TCF4: variants seen among roughly 807,000 people sequenced by gnomAD.
The protein encoded by TCF4 is SL3-3 enhancer factor 2.
TCF4 carries 3 observed loss-of-function variants against 82.1 expected under a neutral mutation model. That is an observed-to-expected ratio of 0.04 (90% confidence interval 0.02 to 0.09). TCF4 has a LOEUF of 0.09. Among genes scored for constraint, TCF4 ranks in the 10% least tolerant of loss-of-function variants. TCF4 has a pLI of 1.00. For synonymous variants in TCF4, 276 were observed against 309.6 expected (o/e 0.89, Z 1.14); for missense variants, 518 against 852.7 (o/e 0.61, Z 4.89).
chr18:55,398,647 T>C (rs1383778526), intron 6 of TCF4, among the ~76,000 whole-genome samples: 1 of 152,164 alleles, frequency 6.6e-6, no homozygotes, highest in Non-Finnish European at 1.5e-5. Context: ...CTGGTTTTCG[T>C]AGGCATGAAA....
chr18:55,425,178 A>G (rs2094927007), intron 5 of TCF4, among the ~76,000 whole-genome samples: 1 of 152,240 alleles, frequency 6.6e-6, no homozygotes, highest in Admixed American at 6.5e-5. Flanking sequence ...AAGTTGGGTG[A>G]GAAAGTGTCC....
chr18:55,520,019 TCC>T (rs985160259), intron 3 of TCF4, among the ~76,000 whole-genome samples: 24 of 152,006 alleles, frequency 1.6e-4, no homozygotes, highest in African/African-American at 5.8e-4. Context: ...CCTGAAGACC[TCC>T]CCACACCCAG....
chr18:55,581,131 A>G (rs2097571757), intron 3 of TCF4, among the ~76,000 whole-genome samples: 2 of 152,038 alleles, frequency 1.3e-5, no homozygotes, highest in African/African-American at 4.8e-5. Context: ...AGGCACATGC[A>G]TATACAGAAG....
chr18:55,469,618 C>T (rs758240841), intron 3 of TCF4: 7 of 152,092 alleles, frequency 4.6e-5, no homozygotes, highest in South Asian at 4.1e-4. Flanking sequence ...ACTTGTAATC[C>T]GATTACTCAA....
intron 3 of TCF4, among the ~76,000 whole-genome samples, chr18:55,491,673 C>A (rs902526446): frequency 6.6e-6 from 1 of 152,196 alleles, no homozygotes; most frequent in African/African-American, 2.4e-5. Context: ...TCTAATCAGG[C>A]TCTTGCTCCT....
At chr18:55,367,636 GTCC>G (rs2087579367) in intron 6 of TCF4, among the ~76,000 whole-genome samples, 1 of 152,238 alleles carries the variant, frequency 6.6e-6, no homozygotes, top group African/African-American at 2.4e-5. Context: ...ACAAATCAAC[GTCC>G]TCCTCATTTA....
At chr18:55,442,096 T>C (rs1299528330) in intron 5 of TCF4, among the ~76,000 whole-genome samples, 1 of 152,156 alleles carries the variant, frequency 6.6e-6, no homozygotes, top group East Asian at 1.9e-4. Flanking sequence ...GAATTAACAA[T>C]GAACAATGTG....
intron 8 of TCF4, among the ~76,000 whole-genome samples, chr18:55,297,147 GTTTTTT>G (rs35268463): frequency 4.0e-4 from 26 of 64,248 alleles, no homozygotes; most frequent in African/African-American, 4.1e-4. Context: ...TTTCTTTGAG[GTTTTTT>G]TTTTTTTTTT....
At chr18:55,302,737 C>A in intron 8 of TCF4, 1 of 887,660 alleles carries the variant, frequency 1.1e-6, no homozygotes, top group Non-Finnish European at 1.6e-6. Flanking sequence ...GCCCAGCCAC[C>A]CAAATGACCA....
chr18:55,466,244 C>T (rs2096015058), intron 3 of TCF4, among the ~76,000 whole-genome samples: 1 of 152,140 alleles, frequency 6.6e-6, no homozygotes, highest in Admixed American at 6.6e-5. Context: ...ACCTGTGATA[C>T]CAGCACGTTG....
intron 8 of TCF4, among the ~76,000 whole-genome samples, chr18:55,294,356 A>G (rs1295255955): frequency 6.6e-6 from 1 of 152,200 alleles, no homozygotes; most frequent in East Asian, 1.9e-4. Flanking sequence ...CCTTAGGAGC[A>G]AAGATTGTGG....
intron 5 of TCF4, among the ~76,000 whole-genome samples, chr18:55,455,179 CAAAAAAAAAAAAA>C (rs35889370): frequency 1.5e-5 from 1 of 67,472 alleles, no homozygotes; most frequent in Admixed American, 1.8e-4. Context: ...GACTCTGTCT[CAAAAAAAAAAAAA>C]AAAAAAAAAA....
At chr18:55,294,553 G>T (rs984931089) in intron 8 of TCF4, among the ~76,000 whole-genome samples, 2 of 152,166 alleles carry the variant, frequency 1.3e-5, no homozygotes, top group Admixed American at 6.5e-5. Flanking sequence ...CCTTTGAATC[G>T]TAAGTGGCTT....
At chr18:55,411,595 A>G (rs1026505823) in intron 5 of TCF4, among the ~76,000 whole-genome samples, 1 of 152,166 alleles carries the variant, frequency 6.6e-6, no homozygotes, top group Admixed American at 6.5e-5. Flanking sequence ...TGTGGAGAAA[A>G]GCAATTTCCT....
In TCF4 at chr18:55,261,446, C is replaced by G; in HGVS notation, c.990+20G>C. 1.2e-6 allele frequency: 2 copies of G among 1,613,596 alleles called. No homozygotes were observed. The highest frequency in any genetic ancestry group is 1.7e-6 in the Non-Finnish European group (2 of 1,179,652). On this transcript the variant is annotated intron_variant, in intron 12 of 19. Transcript: ENST00000354452. ...CCTTTACAATGGTACATATGGAGTC[C>G]AAAGTCAATATTTCCTCACCGAAGC...
chr18:55,281,398 A>G (rs2062576310), intron 8 of TCF4, among the ~76,000 whole-genome samples: 5 of 152,172 alleles, frequency 3.3e-5, no homozygotes, highest in Admixed American at 3.3e-4. Context: ...GGAAACTGAA[A>G]ACTGACGGAA....
At chr18:55,287,804 C>A (rs1466060277) in intron 8 of TCF4, among the ~76,000 whole-genome samples, 1 of 152,186 alleles carries the variant, frequency 6.6e-6, no homozygotes, top group Non-Finnish European at 1.5e-5. Flanking sequence ...CTACCTTGTT[C>A]TTTCTTCCCT....
At chr18:55,624,712 C>T (rs928709569) in intron 2 of TCF4, among the ~76,000 whole-genome samples, 1 of 152,174 alleles carries the variant, frequency 6.6e-6, no homozygotes, top group South Asian at 2.1e-4. Context: ...AACAAACCAA[C>T]CCTTTCTCCA....
At chr18:55,538,022 G>GCA (rs1458128552) in intron 3 of TCF4, among the ~76,000 whole-genome samples, 9 of 129,178 alleles carry the variant, frequency 7.0e-5, no homozygotes, top group African/African-American at 2.5e-4. Flanking sequence ...TAGTCTGCGC[G>GCA]CGCGCACACA....
Sources: gnomAD v4.1 joint callset for allele counts (sites outside exome capture counted in the v4.1 genomes callset) on GRCh38, gnomAD v4.1.1 for gene constraint, MANE v1.5 for transcripts, NCBI Gene and HGNC (gene_info 2026-07-23, HGNC 2026-07-21) for gene names.